The following GNB4 variants were observed in gnomAD, a reference collection of about 807,000 sequenced individuals.
GNB4 encodes the protein G protein subunit beta 4.
In GNB4, 28 loss-of-function variants were observed where a neutral mutation model predicts 45.2. The observed-to-expected ratio is 0.62, with a 90% CI of 0.46 to 0.85. The LOEUF (loss-of-function observed/expected upper bound fraction) is 0.85, where lower values mean the gene tolerates loss of function less well. GNB4 is among the 40% of genes least tolerant of loss of function. The pLI is 0.00. For missense variants in GNB4, 321 were observed against 425.4 expected, an observed-to-expected ratio of 0.75 and a Z score of 2.16; for synonymous variants, 132 against 143.7, an observed-to-expected ratio of 0.92 and a Z score of 0.58.
the GNB4 span, among the ~76,000 whole-genome samples, chr3:179,469,425 T>A: frequency 1.3e-5 from 2 of 152,182 alleles, no homozygotes. Context: ...GAACAAATAC[T>A]TTTTTAATTG....
chr3:179,415,175 T>C (rs1714761317), intron 5 of GNB4, 128 bp from the exon 6 acceptor site: 1 of 630,182 alleles, frequency 1.6e-6, no homozygotes, highest in Non-Finnish European at 2.4e-6. Context: ...AATAAAATAA[T>C]GTAATGGCTT....
the GNB4 span, among the ~76,000 whole-genome samples, chr3:179,456,745 C>A: frequency 6.6e-6 from 1 of 152,194 alleles, no homozygotes; most frequent in African/African-American, 2.4e-5. Flanking sequence ...TACCATGACT[C>A]TTGGCAATCA....
chr3:179,440,537 T>G (rs1482142415), intron 1 of GNB4, among the ~76,000 whole-genome samples: 2 of 152,164 alleles, frequency 1.3e-5, no homozygotes, highest in South Asian at 2.1e-4. Flanking sequence ...CAAGAACTTG[T>G]GATTACGTTT....
At chr3:179,504,673 A>C in the GNB4 span, among the ~76,000 whole-genome samples, 1 of 152,216 alleles carries the variant, frequency 6.6e-6, no homozygotes, top group Non-Finnish European at 1.5e-5. Context: ...GCTGCCCCTG[A>C]TAATAGAGTG....
At chr3:179,455,469 C>G (rs370736179), upstream of GNB4, among the ~76,000 whole-genome samples, 39 of 152,306 alleles carry the variant, frequency 2.6e-4, no homozygotes, top group African/African-American at 9.1e-4. Flanking sequence ...AATGAAGGTG[C>G]TGAATTCTAA....
At chr3:179,500,164 A>G in the GNB4 span, among the ~76,000 whole-genome samples, 9 of 152,174 alleles carry the variant, frequency 5.9e-5, no homozygotes, top group Admixed American at 1.3e-4. Context: ...GCCCATGCCA[A>G]TGTCCTGAAT....
At chr3:179,503,452 T>G in the GNB4 span, among the ~76,000 whole-genome samples, 1 of 152,220 alleles carries the variant, frequency 6.6e-6, no homozygotes, top group Non-Finnish European at 1.5e-5. Context: ...CGATAAAATA[T>G]TAGAAAAAAA....
rs753438422 is a variant in GNB4 at position 179,413,644 on chromosome 3, T to G, written c.498-31A>C. ...ATTAAAAACAAAATTTCATGACAAT[T>G]ACTTCTTCTTATGTCAGTTCCTGCT... On this transcript the variant is annotated intron_variant, in intron 7 of 9. Coordinates refer to ENST00000232564, the MANE Select transcript of GNB4 (RefSeq NM_021629.4). 7 of 1,611,964 alleles carry G rather than the reference T, an allele frequency of 4.3e-6. No individual in the cohort carries two copies. The East Asian group carries it at 1.6e-4, about 36-fold the overall frequency.
chr3:179,504,456 C>T, the GNB4 span, among the ~76,000 whole-genome samples: 1 of 152,142 alleles, frequency 6.6e-6, no homozygotes, highest in Non-Finnish European at 1.5e-5. Flanking sequence ...CCACCTCCAG[C>T]CTATAGATAA....
chr3:179,406,387 CA>C (rs1000933876), intron 8 of GNB4, among the ~76,000 whole-genome samples: 1 of 152,204 alleles, frequency 6.6e-6, no homozygotes, highest in Non-Finnish European at 1.5e-5. Flanking sequence ...CTCCCCACAT[CA>C]TGACTATGAT....
the GNB4 span, among the ~76,000 whole-genome samples, chr3:179,515,518 A>C: frequency 1.4e-4 from 21 of 152,128 alleles, no homozygotes; most frequent in Admixed American, 1.2e-3. Flanking sequence ...CAAGGTGCTC[A>C]GTGGGGGAGC....
At chr3:179,427,566 C>G (rs1715182278) in intron 1 of GNB4, among the ~76,000 whole-genome samples, 1 of 147,816 alleles carries the variant, frequency 6.8e-6, no homozygotes, top group Admixed American at 6.8e-5. Flanking sequence ...GGTCACACCA[C>G]TGCACTCCAG....
the GNB4 span, among the ~76,000 whole-genome samples, chr3:179,521,280 T>TG: frequency 6.6e-6 from 1 of 152,170 alleles, no homozygotes; most frequent in African/African-American, 2.4e-5. Context: ...CTCTAGCTCT[T>TG]GGTATTCAGC....
In GNB4 at chr3:179,401,225, T is replaced by C; in HGVS notation, c.1011A>G (p.Arg337=). The C allele has an allele frequency of 6.2e-7, 1 of 1,611,582 alleles. No individual in the cohort carries two copies. Among genetic ancestry groups the C allele is most frequent in the Non-Finnish European group, 8.5e-7 (1 of 1,178,026 alleles). ...ATGTATGACACTGTTAATTCCAGAT[T>C]CTAAGAAAACTGTCCCAAGAGCCTG... ...VATGSWDSFL[R]IWN The change falls in exon 10 of 10, where the codon AGA becomes AGG. Residue 337 remains arginine, a synonymous_variant. Coordinates refer to ENST00000232564, the MANE Select transcript of GNB4 (RefSeq NM_021629.4).
chr3:179,446,220 G>A (rs1035805684), intron 1 of GNB4, among the ~76,000 whole-genome samples: 1 of 152,230 alleles, frequency 6.6e-6, no homozygotes, highest in Non-Finnish European at 1.5e-5. Flanking sequence ...AAAGGTGGTA[G>A]TGAAGCATGA....
the GNB4 span, among the ~76,000 whole-genome samples, chr3:179,517,285 C>T: frequency 2.6e-5 from 4 of 152,128 alleles, no homozygotes; most frequent in Non-Finnish European, 5.9e-5. Context: ...GTGACCCCCA[C>T]CCCTGCCTAC....
the GNB4 span, among the ~76,000 whole-genome samples, chr3:179,468,553 C>T: frequency 6.6e-6 from 1 of 151,848 alleles, no homozygotes; most frequent in Non-Finnish European, 1.5e-5. Flanking sequence ...CTAATTCAAG[C>T]CATGATGGGA....
At chr3:179,420,469 TA>T (rs66487567) in intron 3 of GNB4, among the ~76,000 whole-genome samples, 31,594 of 80,112 alleles carry the variant, frequency 0.39, 3,667 homozygotes, top group East Asian at 0.5. Context: ...TATATATATA[TA>T]TTTTTTTTTG....
chr3:179,492,386 G>A, the GNB4 span, among the ~76,000 whole-genome samples: 1 of 152,170 alleles, frequency 6.6e-6, no homozygotes, highest in Admixed American at 6.5e-5. Flanking sequence ...AGCTGCTGCT[G>A]TGCTGCATGC....
Sources: allele counts gnomAD v4.1 joint callset (sites outside exome capture counted in the v4.1 genomes callset), GRCh38; gene constraint gnomAD v4.1.1; transcripts MANE v1.5; gene names NCBI Gene and HGNC (gene_info 2026-07-23, HGNC 2026-07-21).